Variants in TRAPPC9 observed in about 807,000 individuals in gnomAD.
TRAPPC9 encodes trafficking protein particle complex subunit 9, also known as IKK2 binding protein.
TRAPPC9 carries 83 observed loss-of-function variants against 124.0 expected under a neutral mutation model. That is an observed-to-expected ratio of 0.67 (90% CI 0.56 to 0.80). The LOEUF is 0.80. Among genes scored for constraint, TRAPPC9 ranks in the 30% least tolerant of loss-of-function variants. The pLI, the probability that TRAPPC9 is intolerant of heterozygous loss-of-function variation, is 0.00. For synonymous variants in TRAPPC9, 638 were observed against 617.5 expected (o/e 1.03, Z -0.49); for missense variants, 1,302 against 1,508.3 (o/e 0.86, Z 2.27).
intron 9 of TRAPPC9, among the ~76,000 whole-genome samples, chr8:140,315,060 C>T (rs569176679): frequency 1.1e-4 from 16 of 152,230 alleles, no homozygotes; most frequent in African/African-American, 3.9e-4. Context: ...CCACCAATAG[C>T]GTGTAAAGAA....
intron 21 of TRAPPC9, among the ~76,000 whole-genome samples, chr8:139,783,799 A>C (rs1322504033): frequency 6.6e-6 from 1 of 152,268 alleles, no homozygotes; most frequent in African/African-American, 2.4e-5. Context: ...TATCATTACC[A>C]ACTGAAGATC....
intron 19 of TRAPPC9, among the ~76,000 whole-genome samples, chr8:139,927,852 C>A (rs1457338380): frequency 6.6e-6 from 1 of 152,198 alleles, no homozygotes; most frequent in Non-Finnish European, 1.5e-5. Context: ...TGATGTCAGA[C>A]AAATGCAAGT....
intron 21 of TRAPPC9, among the ~76,000 whole-genome samples, chr8:139,874,419 G>T (rs538927031): frequency 6.6e-6 from 1 of 152,226 alleles, no homozygotes; most frequent in Non-Finnish European, 1.5e-5. Context: ...GACACAGCCC[G>T]CAGACAGTAC....
intron 21 of TRAPPC9, among the ~76,000 whole-genome samples, chr8:139,862,186 G>A (rs1828210218): frequency 6.6e-6 from 1 of 152,272 alleles, no homozygotes; most frequent in South Asian, 2.1e-4. Flanking sequence ...GACACCGCCA[G>A]GGCACTTGGC....
rs1487542081 is a variant in TRAPPC9 at position 140,364,554 on chromosome 8, G to A, written c.1352-4361C>T. ...AACTCTCCCGTGCTAAGACTCTGAG[G>A]TCTAATCTCTCCTCCTCCACCAGTA... On this transcript the variant is annotated intron_variant, in intron 8 of 22. Transcript: ENST00000438773. Among the ~76,000 whole-genome samples the A allele has an allele frequency of 3.9e-5, 6 of 152,100 alleles. No individual in the cohort carries two copies. The East Asian group carries it at 7.8e-4, about 20-fold the overall frequency.
At chr8:139,847,179 G>C (rs1447870495) in intron 21 of TRAPPC9, among the ~76,000 whole-genome samples, 2 of 152,228 alleles carry the variant, frequency 1.3e-5, no homozygotes, top group Non-Finnish European at 2.9e-5. Flanking sequence ...AGCAAATGCA[G>C]CAGCCTTCTA....
chr8:140,053,604 T>C (rs1284209753), intron 17 of TRAPPC9, among the ~76,000 whole-genome samples: 1 of 152,220 alleles, frequency 6.6e-6, no homozygotes, highest in East Asian at 1.9e-4. Flanking sequence ...TCAAGTCAAC[T>C]GATTTCCTTC....
chr8:140,398,725 T>G (rs2069165556), intron 6 of TRAPPC9, among the ~76,000 whole-genome samples: 1 of 152,196 alleles, frequency 6.6e-6, no homozygotes, highest in Admixed American at 6.6e-5. Context: ...CATAAAAGTT[T>G]GAAAAATTTG....
chr8:139,783,222 GA>G (rs1193421356), intron 21 of TRAPPC9, among the ~76,000 whole-genome samples: 9 of 151,736 alleles, frequency 5.9e-5, no homozygotes, highest in East Asian at 3.9e-4. Flanking sequence ...AAAATCAATA[GA>G]AAAAAAATCA....
rs145952862 is a variant in TRAPPC9 at position 139,869,779 on chromosome 8, T to A, written c.3055+16100A>T. ...AAAGAAGAAAACAAAACAAAGTAAT[T>A]ACCATAGGAAGTTTTTTTAAAAACT... On this transcript the variant is annotated intron_variant, in intron 21 of 22. Coordinates refer to ENST00000438773, the MANE Select transcript of TRAPPC9 (RefSeq NM_001160372.4). 1.3e-3 allele frequency among the ~76,000 whole-genome samples: 200 copies of A among 152,232 alleles called. 2 individuals are homozygous for A. Among genetic ancestry groups the A allele is most frequent in the African/African-American group, 4.7e-3 (194 of 41,532 alleles).
chr8:140,020,750 T>C (rs529621835), intron 18 of TRAPPC9, among the ~76,000 whole-genome samples: 1 of 152,256 alleles, frequency 6.6e-6, no homozygotes, highest in Non-Finnish European at 1.5e-5. Flanking sequence ...GAGATAAATG[T>C]TGACGTTTTC....
intron 21 of TRAPPC9, among the ~76,000 whole-genome samples, chr8:139,802,186 G>A (rs374383193): frequency 8.5e-5 from 13 of 152,282 alleles, no homozygotes; most frequent in African/African-American, 3.1e-4. Flanking sequence ...GAGCAAGCAG[G>A]GTGGAGAATC....
At chr8:139,748,020 TG>T (rs1313797945) in intron 21 of TRAPPC9, among the ~76,000 whole-genome samples, 1 of 11,026 alleles carries the variant, frequency 9.1e-5, no homozygotes, top group Non-Finnish European at 1.3e-4. Flanking sequence ...CACAGCAGGT[TG>T]GGGGGGCGTA....
At chr8:140,457,410 C>G (rs1027099046) in intron 1 of TRAPPC9, among the ~76,000 whole-genome samples, 9 of 152,186 alleles carry the variant, frequency 5.9e-5, no homozygotes, top group Non-Finnish European at 8.8e-5. Context: ...TGGGACACGG[C>G]CTTGGACAGA....
intron 17 of TRAPPC9, among the ~76,000 whole-genome samples, chr8:140,132,251 G>A (rs890266334): frequency 5.9e-5 from 9 of 152,170 alleles, no homozygotes; most frequent in Admixed American, 4.6e-4. Context: ...CCAAAACAAC[G>A]TGCTCCTTGG....
At chr8:140,108,031 G>A (rs2060698944) in intron 17 of TRAPPC9, among the ~76,000 whole-genome samples, 2 of 141,038 alleles carry the variant, frequency 1.4e-5, no homozygotes, top group Non-Finnish European at 3.0e-5. Context: ...GGATACGTGT[G>A]TTTATACATA....
At chr8:139,891,256 G>A (rs1002191384) in intron 20 of TRAPPC9, among the ~76,000 whole-genome samples, 2 of 152,228 alleles carry the variant, frequency 1.3e-5, no homozygotes, top group African/African-American at 4.8e-5. Context: ...GTCAAGGTGA[G>A]GAATGTGAGA....
intron 21 of TRAPPC9, 92 bp downstream of exon 21, chr8:139,885,787 G>A (rs1829967998): frequency 1.6e-6 from 2 of 1,278,180 alleles, no homozygotes; most frequent in East Asian, 5.1e-5. Context: ...AACATTTGGG[G>A]TGCCCAGCCA....
intron 17 of TRAPPC9, among the ~76,000 whole-genome samples, chr8:140,047,459 C>A (rs910481933): frequency 6.6e-6 from 1 of 152,212 alleles, no homozygotes; most frequent in African/African-American, 2.4e-5. Context: ...GGGTGAAAGG[C>A]GGGTCCCCAG....
Sources: gnomAD v4.1 joint callset for allele counts (sites outside exome capture counted in the v4.1 genomes callset) on GRCh38, gnomAD v4.1.1 for gene constraint, MANE v1.5 for transcripts, NCBI Gene and HGNC (gene_info 2026-07-23, HGNC 2026-07-21) for gene names.